The following ADCY2 variants were observed in gnomAD, a reference collection of about 807,000 sequenced individuals.
The protein encoded by ADCY2 is adenylate cyclase 2.
Under a neutral mutation model 125.2 loss-of-function variants are expected in ADCY2, and 31 were observed. The ratio of observed to expected loss-of-function variants is 0.25; its 90% CI spans 0.19 to 0.33. The LOEUF (loss-of-function observed/expected upper bound fraction) is 0.33, where lower values mean the gene tolerates loss of function less well. Ranked by LOEUF, ADCY2 falls within the 10% of genes least tolerant of loss-of-function variation. ADCY2 has a pLI of 1.00. For synonymous variants in ADCY2, 512 were observed against 548.4 expected (o/e 0.93, Z 0.93); for missense variants, 904 against 1,418.2 (o/e 0.64, Z 5.82).
At chr5:7,433,455 C>T (rs1471772926) in intron 2 of ADCY2, among the ~76,000 whole-genome samples, 4 of 152,062 alleles carry the variant, frequency 2.6e-5, no homozygotes, top group African/African-American at 9.7e-5. Context: ...ATGCCTAGGT[C>T]ACCAAGCTGT....
intron 6 of ADCY2, 97 bp from the exon 7 acceptor site, chr5:7,698,150 A>G (rs992366192): frequency 6.8e-7 from 1 of 1,462,614 alleles, no homozygotes; most frequent in Admixed American, 1.8e-5. Flanking sequence ...TGCCCCTGGA[A>G]TGGTGTGAGC....
intron 2 of ADCY2, among the ~76,000 whole-genome samples, chr5:7,443,419 G>T (rs1199988632): frequency 6.6e-6 from 1 of 151,910 alleles, no homozygotes; most frequent in Middle Eastern, 3.4e-3. Context: ...TTGGGAGGCC[G>T]AGGCGGGTGG....
At chr5:7,712,982 T>C in intron 11 of ADCY2, 83 bp downstream of exon 11, 1 of 1,074,124 alleles carries the variant, frequency 9.3e-7, no homozygotes, top group East Asian at 2.4e-5. Flanking sequence ...TTATGGTAAT[T>C]TCAAGGGCTA....
intron 3 of ADCY2, among the ~76,000 whole-genome samples, chr5:7,552,102 A>T (rs927702603): frequency 3.3e-5 from 5 of 152,182 alleles, no homozygotes; most frequent in African/African-American, 1.2e-4. Context: ...TTTTTAATAG[A>T]CCTATCGATT....
At chr5:7,675,480 A>G (rs1039535396) in intron 4 of ADCY2, among the ~76,000 whole-genome samples, 15 of 152,244 alleles carry the variant, frequency 9.9e-5, no homozygotes, top group Non-Finnish European at 1.9e-4. Flanking sequence ...AAGGGGCACT[A>G]CTGACTATGT....
intron 2 of ADCY2, among the ~76,000 whole-genome samples, chr5:7,449,187 G>C (rs1237746050): frequency 6.6e-6 from 1 of 152,084 alleles, no homozygotes; most frequent in Non-Finnish European, 1.5e-5. Context: ...GTGTGAGATG[G>C]TATCTCACTG....
intron 3 of ADCY2, among the ~76,000 whole-genome samples, chr5:7,531,023 A>G (rs1734622688): frequency 6.6e-6 from 1 of 152,134 alleles, no homozygotes; most frequent in Non-Finnish European, 1.5e-5. Flanking sequence ...CTGGAAGCCT[A>G]CGCTACACTG....
At chr5:7,720,553 C>A (rs958411277) in intron 12 of ADCY2, among the ~76,000 whole-genome samples, 1 of 151,872 alleles carries the variant, frequency 6.6e-6, no homozygotes, top group Admixed American at 6.6e-5. Flanking sequence ...CCTCTCCCCC[C>A]ACCCCATGAC....
At chr5:7,582,129 CATT>C (rs1197565716) in intron 3 of ADCY2, among the ~76,000 whole-genome samples, 1 of 152,090 alleles carries the variant, frequency 6.6e-6, no homozygotes, top group African/African-American at 2.4e-5. Flanking sequence ...GCTAGGTTAA[CATT>C]ATTTAGAGTA....
Position 7,438,183 on chromosome 5 carries a change from A to G in ADCY2, c.408+23413A>G, listed in dbSNP as rs199806773. ...AAGATTCCAGATGGAAAGGTGGTGG[A>G]CAAGATATTTTTGAAAGCCTCAAAA... is the stretch of plus-strand genomic sequence containing the variant. On this transcript the variant is annotated intron_variant, in intron 2 of 24. Transcript: ENST00000338316. 2.8e-4 allele frequency among the ~76,000 whole-genome samples: 43 copies of G among 152,342 alleles called. No homozygotes were observed. The East Asian group carries it at 7.5e-3, about 27-fold the overall frequency.
intron 3 of ADCY2, among the ~76,000 whole-genome samples, chr5:7,609,556 A>G (rs1471126226): frequency 6.6e-6 from 1 of 152,234 alleles, no homozygotes; most frequent in Admixed American, 6.5e-5. Context: ...ACTTATCAGT[A>G]CATGTCCCAA....
At chr5:7,439,808 C>T (rs2126396066) in intron 2 of ADCY2, among the ~76,000 whole-genome samples, 1 of 152,106 alleles carries the variant, frequency 6.6e-6, no homozygotes, top group South Asian at 2.1e-4. Flanking sequence ...TGGAGAAGAG[C>T]AGGAGGAGCT....
chr5:7,438,972 G>A (rs1371212034), intron 2 of ADCY2, among the ~76,000 whole-genome samples: 1 of 152,090 alleles, frequency 6.6e-6, no homozygotes, highest in African/African-American at 2.4e-5. Flanking sequence ...CAACACAAGG[G>A]TCATGTCCTC....
intron 4 of ADCY2, among the ~76,000 whole-genome samples, chr5:7,650,830 G>A (rs945245078): frequency 6.6e-6 from 1 of 152,336 alleles, no homozygotes; most frequent in African/African-American, 2.4e-5. Context: ...ATGGAATTGA[G>A]CAAGGCGGGA....
At chr5:7,727,378 C>T (rs779838271) in intron 14 of ADCY2, 117 bp downstream of exon 14, 5 of 824,354 alleles carry the variant, frequency 6.1e-6, no homozygotes, top group Admixed American at 4.9e-5. Flanking sequence ...GATTTAATGT[C>T]ATGGTAAAGG....
At chr5:7,715,095 A>C (rs1741556375) in intron 11 of ADCY2, among the ~76,000 whole-genome samples, 1 of 152,172 alleles carries the variant, frequency 6.6e-6, no homozygotes, top group Non-Finnish European at 1.5e-5. Context: ...CCTGGTGGGG[A>C]GATCATCAGC....
At chr5:7,775,431 C>T (rs994251162) in intron 18 of ADCY2, among the ~76,000 whole-genome samples, 4 of 151,826 alleles carry the variant, frequency 2.6e-5, no homozygotes, top group African/African-American at 9.7e-5. Context: ...CACTCTGTTG[C>T]CCAGGCTGGA....
intron 3 of ADCY2, among the ~76,000 whole-genome samples, chr5:7,586,321 C>T (rs1430326893): frequency 1.3e-5 from 2 of 152,168 alleles, no homozygotes; most frequent in African/African-American, 4.8e-5. Flanking sequence ...TATTGATGTG[C>T]AAACTCAAGC....
chr5:7,621,185 G>T (rs1737942500), intron 3 of ADCY2, among the ~76,000 whole-genome samples: 1 of 152,068 alleles, frequency 6.6e-6, no homozygotes. Flanking sequence ...TCCTCAGAGG[G>T]GTCACACTTG....
Sources: gnomAD v4.1 joint callset for allele counts (sites outside exome capture counted in the v4.1 genomes callset) on GRCh38, gnomAD v4.1.1 for gene constraint, MANE v1.5 for transcripts, NCBI Gene and HGNC (gene_info 2026-07-23, HGNC 2026-07-21) for gene names.